Variants in ABCC2 observed in about 807,000 individuals in gnomAD.
ABCC2 encodes the protein ATP binding cassette subfamily C member 2.
A neutral mutation model predicts 173.4 loss-of-function variants in ABCC2; 157 were observed. The ratio of observed to expected loss-of-function variants is 0.91; its 90% CI spans 0.80 to 1.03. The LOEUF is 1.03. Ranked by LOEUF, ABCC2 falls within the 50% of genes least tolerant of loss-of-function variation. The pLI is 0.00. For missense variants in ABCC2, 1,822 were observed against 1,852.3 expected (o/e 0.98, Z 0.30); for synonymous variants, 657 against 693.5 (o/e 0.95, Z 0.83).
At chr10:99,814,711 A>ACATATACACACG (rs2038362314) in intron 16 of ABCC2, among the ~76,000 whole-genome samples, 1 of 144,198 alleles carries the variant, frequency 6.9e-6, no homozygotes, top group Admixed American at 6.8e-5. Context: ...ATGTGTATAC[A>ACATATACACACG]TGTATATACA....
intron 25 of ABCC2, among the ~76,000 whole-genome samples, chr10:99,839,307 G>GTCT: frequency 9.1e-6 from 1 of 110,252 alleles, no homozygotes; most frequent in Non-Finnish European, 2.0e-5. Flanking sequence ...CCCAGTAGGG[G>GTCT]CGGCCGGGCA....
At chr10:99,809,502 C>T (rs1201105928) in intron 13 of ABCC2, among the ~76,000 whole-genome samples, 1 of 152,332 alleles carries the variant, frequency 6.6e-6, no homozygotes, top group South Asian at 2.1e-4. Flanking sequence ...AGGCAGAAAG[C>T]CTAAGACTTC....
In ABCC2 at chr10:99,832,059, CA is replaced by C; in HGVS notation, c.3188del (p.Asn1063IlefsTer7). 6.2e-7 allele frequency: 1 copy of C among 1,614,226 alleles called. No individual in the cohort carries two copies. Among genetic ancestry groups the C allele is most frequent in the Non-Finnish European group, 8.5e-7 (1 of 1,180,026 alleles). ...ATATCTTGCACAAGCAACTGCTGAACAATATCCTTCGAGCACCTATGAGATT... is the reference window on the plus strand; with the variant it reads ...ATATCTTGCACAAGCAACTGCTGAACATATCCTTCGAGCACCTATGAGATT... ...SNILHKQLLN[N>X]ILRAPMRFFD... is the part of the protein sequence containing the mutation. On this transcript the variant is annotated frameshift_variant, in exon 23 of 32. Transcript: ENST00000647814. LOFTEE classifies it high-confidence loss of function.
chr10:99,823,049 T>C (rs2038565967), intron 19 of ABCC2, among the ~76,000 whole-genome samples: 1 of 152,036 alleles, frequency 6.6e-6, no homozygotes, highest in African/African-American at 2.4e-5. Context: ...TATCAACTAT[T>C]ACATGAACAT....
intron 11 of ABCC2, 140 bp downstream of exon 11, chr10:99,805,587 TG>T: frequency 1.2e-6 from 1 of 858,210 alleles, no homozygotes; most frequent in Non-Finnish European, 2.0e-6. Flanking sequence ...CATGTCCTCC[TG>T]TCCCTCTCAG....
chr10:99,820,596 C>T (rs991452237), intron 19 of ABCC2, among the ~76,000 whole-genome samples: 12 of 152,002 alleles, frequency 7.9e-5, no homozygotes, highest in Non-Finnish European at 1.3e-4. Context: ...CATCTCTGCT[C>T]AAAAAAGACA....
intron 9 of ABCC2, among the ~76,000 whole-genome samples, chr10:99,803,794 G>T (rs117839706): frequency 6.6e-6 from 1 of 152,304 alleles, no homozygotes; most frequent in Non-Finnish European, 1.5e-5. Flanking sequence ...AAAGAAGTGT[G>T]TGGATGGGTA....
At chr10:99,819,617 C>G (rs1214973151) in intron 19 of ABCC2, among the ~76,000 whole-genome samples, 1 of 152,198 alleles carries the variant, frequency 6.6e-6, no homozygotes, top group South Asian at 2.1e-4. Context: ...CCTATTGACT[C>G]TAGTCACACA....
rs750430644 is a variant in ABCC2, at chr10:99,818,860, T to C, written c.2342T>C (p.Ile781Thr). 1.9e-6 allele frequency: 3 copies of C among 1,614,232 alleles called. No homozygotes were observed. The South Asian group carries it at 3.3e-5, about 18-fold the overall frequency. Residue 781 changes from isoleucine (I) to threonine (T), a missense_variant, in exon 18 of 32, where the codon ATC becomes ACC. By Grantham distance (89) the Ile-to-Thr change is moderately conservative. Coordinates refer to ENST00000647814, the MANE Select transcript of ABCC2 (RefSeq NM_000392.5). ...AGAGCTACCTACCAAAATTTAGACA[T>C]CTATCTTCTAGATGACCCCCTGTCT... Reference protein sequence around the residue: ...LARATYQNLDIYLLDDPLSAV... With the variant: ...LARATYQNLDTYLLDDPLSAV...
At chr10:99,833,128 A>G (rs373147976) in intron 23 of ABCC2, among the ~76,000 whole-genome samples, 1 of 152,204 alleles carries the variant, frequency 6.6e-6, no homozygotes, top group Admixed American at 6.5e-5. Context: ...GGACACAGTA[A>G]CTGCTTCAAA....
chr10:99,841,809 T>C (rs2038949841), intron 25 of ABCC2, among the ~76,000 whole-genome samples, 158 bp from the exon 26 acceptor site: 1 of 152,214 alleles, frequency 6.6e-6, no homozygotes, highest in African/African-American at 2.4e-5. Flanking sequence ...AATAGGCTTT[T>C]AGGAATACAT....
chr10:99,807,861 C>G (rs565840514), intron 12 of ABCC2, among the ~76,000 whole-genome samples: 2 of 152,238 alleles, frequency 1.3e-5, no homozygotes, highest in East Asian at 1.9e-4. Flanking sequence ...GATATAGGAT[C>G]CAGGAGACCT....
At chr10:99,790,520 C>A (rs543334405) in intron 2 of ABCC2, among the ~76,000 whole-genome samples, 1 of 152,034 alleles carries the variant, frequency 6.6e-6, no homozygotes, top group Non-Finnish European at 1.5e-5. Flanking sequence ...TATGGCAAGA[C>A]CCCCTCCTTT....
At position 99,850,615 on chromosome 10, in the gene ABCC2, C is replaced by T. The variant is rs145715632; in HGVS notation, c.4327C>T (p.Gln1443Ter). The T allele has an allele frequency of 5.0e-6, 8 of 1,614,030 alleles. No individual in the cohort carries two copies. In the African/African-American group the frequency reaches 8.0e-5, roughly 16 times the overall value. The change falls in exon 31 of 32, where the codon CAG becomes TAG. Residue 1443 changes from glutamine to a stop codon, truncating the protein, a stop_gained. Transcript: ENST00000647814. LOFTEE classifies it high-confidence loss of function. ...AGGNLSIGQR[Q>*]LLCLGRALLR... ...TATTGGCTGCAGCATAGGCCAGAGGCAGCTGCTGTGCCTGGGCAGGGCTCT... is the reference window on the plus strand; with the variant it reads ...TATTGGCTGCAGCATAGGCCAGAGGTAGCTGCTGTGCCTGGGCAGGGCTCT...
intron 15 of ABCC2, among the ~76,000 whole-genome samples, chr10:99,812,294 A>G (rs1028410975): frequency 1.3e-5 from 2 of 152,188 alleles, no homozygotes; most frequent in Non-Finnish European, 2.9e-5. Context: ...TTCCCTTTCC[A>G]GAGAGGAAAC....
At chr10:99,834,351 T>C (rs919732962) in intron 23 of ABCC2, 29 bp from the exon 24 acceptor site, 10 of 1,612,380 alleles carry the variant, frequency 6.2e-6, no homozygotes, top group Non-Finnish European at 8.5e-6. Flanking sequence ...ACCTCAGTGA[T>C]GGTGTATCTC....
chr10:99,847,050 G>A lies in ABCC2; in HGVS notation c.4236G>A (p.Leu1412=). The A allele has an allele frequency of 6.2e-7, 1 of 1,614,210 alleles. No homozygotes were observed. Among genetic ancestry groups the A allele is most frequent in the Non-Finnish European group, 8.5e-7 (1 of 1,180,038 alleles). The change falls in exon 30 of 32, where the codon CTG becomes CTA. Residue 1412 remains leucine (L), a synonymous_variant. Coordinates refer to ENST00000647814, the MANE Select transcript of ABCC2 (RefSeq NM_000392.5). ...SDEEIWKALE[L]AHLKSFVASL... ...AGGAGATTTGGAAGGCCTTGGAGCT[G>A]GCTCACCTCAAGTCTTTTGTGGCCA...
chr10:99,789,709 CAAAAAAAA>C (rs11412117), intron 2 of ABCC2, among the ~76,000 whole-genome samples: 1 of 98,310 alleles, frequency 1.0e-5, no homozygotes, highest in Admixed American at 1.2e-4. Flanking sequence ...AACTCCGTCT[CAAAAAAAA>C]AAAAAAAAAG....
rs1449205494 is a variant in ABCC2, at chr10:99,792,170, A to G, written c.208-64A>G. The G allele has an allele frequency of 3.7e-6, 6 of 1,607,366 alleles. No individual in the cohort carries two copies. The Admixed American group carries it at 1.0e-4, about 27-fold the overall frequency. ...CTTTTCCTATCCATCACCGGAAACCATTCTGTTCTAAGAGCCTTATAAAGA... is the reference window on the plus strand; with the variant it reads ...CTTTTCCTATCCATCACCGGAAACCGTTCTGTTCTAAGAGCCTTATAAAGA... On this transcript the variant is annotated intron_variant, in intron 2 of 31. Coordinates refer to ENST00000647814, the MANE Select transcript of ABCC2 (RefSeq NM_000392.5).
Sources: allele counts gnomAD v4.1 joint callset (sites outside exome capture counted in the v4.1 genomes callset), GRCh38; gene constraint gnomAD v4.1.1; transcripts MANE v1.5; gene names NCBI Gene and HGNC (gene_info 2026-07-23, HGNC 2026-07-21).